Variants in HSD17B2 observed in about 807,000 individuals in gnomAD.
HSD17B2 encodes the protein 17-beta-hydroxysteroid dehydrogenase type 2.
A neutral mutation model predicts 26.9 loss-of-function variants in HSD17B2; 32 were observed. The ratio of observed to expected loss-of-function variants is 1.19; its 90% CI spans 0.90 to 1.60. The LOEUF is 1.60. Among genes scored for constraint, HSD17B2 ranks in the 40% most tolerant of loss-of-function variants. The probability of loss-of-function intolerance (pLI) is 0.00; values close to 1 mark genes in which losing one functional copy is unlikely to be tolerated. For synonymous variants in HSD17B2, 246 were observed against 186.7 expected (o/e 1.32, Z -2.59); for missense variants, 613 against 468.6 (o/e 1.31, Z -2.85).
intron 1 of HSD17B2, among the ~76,000 whole-genome samples, chr16:82,046,692 T>C (rs1051320219): frequency 1.3e-5 from 2 of 151,190 alleles, no homozygotes; most frequent in Admixed American, 1.3e-4. Context: ...AAAAAAAAAA[T>C]CATGAAAATC....
chr16:82,052,668 T>C (rs141564376), intron 1 of HSD17B2, among the ~76,000 whole-genome samples: 1 of 152,286 alleles, frequency 6.6e-6, no homozygotes, highest in Non-Finnish European at 1.5e-5. Context: ...CATCTCTCTA[T>C]TTTTTTATGC....
At chr16:82,066,888 T>C (rs538097546) in intron 1 of HSD17B2, among the ~76,000 whole-genome samples, 33 of 152,346 alleles carry the variant, frequency 2.2e-4, no homozygotes, top group African/African-American at 7.9e-4. Flanking sequence ...CTCCTATTCA[T>C]AGACATTTAA....
chr16:82,051,222 G>C (rs1340216157), intron 1 of HSD17B2, among the ~76,000 whole-genome samples: 1 of 152,120 alleles, frequency 6.6e-6, no homozygotes, highest in African/African-American at 2.4e-5. Context: ...TGTAATGATA[G>C]CATTGCGTAC....
At chr16:82,070,873 CAGG>C in intron 2 of HSD17B2, 66 bp from the exon 3 acceptor site, 1 of 1,421,706 alleles carries the variant, frequency 7.0e-7, no homozygotes, top group Non-Finnish European at 9.7e-7. Flanking sequence ...CATGGTCTTC[CAGG>C]TATTGCAGGT....
At chr16:82,071,513 G>A (rs1246034784) in intron 3 of HSD17B2, 2 of 333,556 alleles carry the variant, frequency 6.0e-6, no homozygotes, top group Non-Finnish European at 1.2e-5. Flanking sequence ...TTCCCTGTAA[G>A]CTGAGTAGGC....
chr16:82,073,733 T>C (rs1345835913), intron 3 of HSD17B2, among the ~76,000 whole-genome samples: 1 of 152,180 alleles, frequency 6.6e-6, no homozygotes, highest in Non-Finnish European at 1.5e-5. Context: ...AATCTCATGT[T>C]CATGGATAAG....
intron 1 of HSD17B2, among the ~76,000 whole-genome samples, chr16:82,066,808 A>G (rs1914583450): frequency 6.6e-6 from 1 of 152,216 alleles, no homozygotes; most frequent in South Asian, 2.1e-4. Flanking sequence ...GTCATTGTCA[A>G]TAGTTCTATT....
At chr16:82,056,311 A>G (rs751830076) in intron 1 of HSD17B2, 44 of 152,218 alleles carry the variant, frequency 2.9e-4, no homozygotes, top group Non-Finnish European at 4.9e-4. Context: ...GCTAATCTTA[A>G]GTAAATTTAC....
chr16:82,090,807 C>A (rs1904669440), intron 3 of HSD17B2, 95 bp from the exon 4 acceptor site: 3 of 1,208,550 alleles, frequency 2.5e-6, no homozygotes, highest in Admixed American at 2.7e-5. Flanking sequence ...TCACTGATAC[C>A]AGTTCCTACA....
chr16:82,068,108 T>A, intron 1 of HSD17B2, 62 bp from the exon 2 acceptor site: 2 of 1,373,626 alleles, frequency 1.5e-6, no homozygotes, highest in Non-Finnish European at 2.1e-6. Flanking sequence ...GTTTTCCTTG[T>A]TAAATATTTT....
At chr16:82,064,971 A>G (rs1162208641) in intron 1 of HSD17B2, among the ~76,000 whole-genome samples, 2 of 152,238 alleles carry the variant, frequency 1.3e-5, no homozygotes, top group African/African-American at 4.8e-5. Flanking sequence ...TGCAGCCACA[A>G]TTCCACATTT....
rs191436118 is a variant in HSD17B2 at position 82,044,933 on chromosome 16, C to T, written c.265+9244C>T. Reference sequence around the variant, plus strand: ...AGGAGTTCGAGACCAGCCTGGCCAACAGGGCGAAACCCAATCTCTACTAAA... The same window carrying T: ...AGGAGTTCGAGACCAGCCTGGCCAATAGGGCGAAACCCAATCTCTACTAAA... On this transcript the variant is annotated intron_variant, in intron 1 of 4. Coordinates refer to ENST00000199936, the MANE Select transcript of HSD17B2 (RefSeq NM_002153.3). Among the ~76,000 whole-genome samples the T allele has an allele frequency of 3.6e-4, 54 of 152,090 alleles. 1 individual carries two copies. In the South Asian group the frequency reaches 0.011, roughly 32 times the overall value.
chr16:82,066,684 T>A (rs2143974822), intron 1 of HSD17B2, among the ~76,000 whole-genome samples: 1 of 152,120 alleles, frequency 6.6e-6, no homozygotes, highest in South Asian at 2.1e-4. Flanking sequence ...CACACCTCGC[T>A]ATTTATGGCA....
At chr16:82,097,830 C>T (rs1330589148) in intron 4 of HSD17B2, 6 of 289,918 alleles carry the variant, frequency 2.1e-5, no homozygotes, top group African/African-American at 1.1e-4. Context: ...CCCAGCTACT[C>T]GGGAGGCTGA....
At chr16:82,080,144 T>C (rs1253438168) in intron 3 of HSD17B2, among the ~76,000 whole-genome samples, 1 of 152,234 alleles carries the variant, frequency 6.6e-6, no homozygotes, top group Non-Finnish European at 1.5e-5. Flanking sequence ...TATTCATTGC[T>C]GCAGAGTAAA....
At chr16:82,036,364 T>TG (rs1333739919) in intron 1 of HSD17B2, among the ~76,000 whole-genome samples, 1 of 137,008 alleles carries the variant, frequency 7.3e-6, no homozygotes, top group African/African-American at 2.9e-5. Context: ...GTGTGTGTGT[T>TG]TCCCCATTGC....
chr16:82,070,348 C>T (rs1307811412), intron 2 of HSD17B2, among the ~76,000 whole-genome samples: 1 of 152,226 alleles, frequency 6.6e-6, no homozygotes, highest in East Asian at 1.9e-4. Context: ...CCTACCACTG[C>T]ATAGCACTAC....
At chr16:82,044,394 T>C (rs1405559072) in intron 1 of HSD17B2, 2 of 152,322 alleles carry the variant, frequency 1.3e-5, no homozygotes, top group East Asian at 3.9e-4. Context: ...AGGCATGTGG[T>C]AATAACGGTG....
intron 3 of HSD17B2, among the ~76,000 whole-genome samples, chr16:82,076,632 T>A (rs1256994804): frequency 1.3e-5 from 2 of 152,332 alleles, no homozygotes; most frequent in Admixed American, 6.5e-5. Flanking sequence ...TGGAGTGCAG[T>A]GGCGTGATCT....
Sources: allele counts gnomAD v4.1 joint callset (sites outside exome capture counted in the v4.1 genomes callset), GRCh38; gene constraint gnomAD v4.1.1; transcripts MANE v1.5; gene names NCBI Gene and HGNC (gene_info 2026-07-23, HGNC 2026-07-21).